The following CCBE1 variants were observed in gnomAD, a reference collection of about 807,000 sequenced individuals.
CCBE1 encodes collagen and calcium binding EGF domains 1, also known as collagen and calcium-binding EGF domain-containing protein 1.
CCBE1 carries 37 observed loss-of-function variants against 50.0 expected under a neutral mutation model. That is an observed-to-expected ratio of 0.74 (90% CI 0.57 to 0.97). The LOEUF (loss-of-function observed/expected upper bound fraction) is 0.97, where lower values mean the gene tolerates loss of function less well. Ranked by LOEUF, CCBE1 falls within the 50% of genes least tolerant of loss-of-function variation. The pLI is 0.00. For missense variants in CCBE1, 538 were observed against 523.8 expected (o/e 1.03, Z -0.26); for synonymous variants, 234 against 203.7 (o/e 1.15, Z -1.27).
intron 3 of CCBE1, among the ~76,000 whole-genome samples, chr18:59,478,227 C>G (rs943405175): frequency 2.0e-5 from 3 of 152,130 alleles, no homozygotes; most frequent in Admixed American, 6.6e-5. Flanking sequence ...AAGCCAATCC[C>G]TTTAAAAAAG....
chr18:59,545,034 G>C (rs1402773024), intron 2 of CCBE1, among the ~76,000 whole-genome samples: 1 of 152,116 alleles, frequency 6.6e-6, no homozygotes, highest in Non-Finnish European at 1.5e-5. Flanking sequence ...TAGGTCATAA[G>C]ATATGCCTTT....
At chr18:59,524,737 T>A (rs1914747119) in intron 2 of CCBE1, among the ~76,000 whole-genome samples, 1 of 143,986 alleles carries the variant, frequency 6.9e-6, no homozygotes, top group Non-Finnish European at 1.5e-5. Context: ...TAGCTATTTA[T>A]CCTGATGCTC....
intron 2 of CCBE1, among the ~76,000 whole-genome samples, chr18:59,489,704 C>T (rs902251526): frequency 1.4e-4 from 21 of 152,104 alleles, no homozygotes; most frequent in African/African-American, 4.8e-4. Context: ...TGAGCCACTG[C>T]GCCCAGCCCT....
At chr18:59,512,737 C>A (rs1914186705) in intron 2 of CCBE1, among the ~76,000 whole-genome samples, 1 of 152,192 alleles carries the variant, frequency 6.6e-6, no homozygotes, top group African/African-American at 2.4e-5. Context: ...AGCTGGCTGG[C>A]TGTTGATGAG....
At position 59,507,161 on chromosome 18, in the gene CCBE1, C is replaced by T. The variant is rs528507362; in HGVS notation, c.213-26923G>A. On this transcript the variant is annotated intron_variant, in intron 2 of 10. Transcript: ENST00000439986. The stretch of plus-strand genomic sequence containing the variant: ...CAAAACATCTGAAAATCAACCATAT[C>T]TTCTTTCCAAAACCAACATCCTCCT... Among the ~76,000 whole-genome samples, 4 of 152,316 alleles carry T rather than the reference C, an allele frequency of 2.6e-5. No individual in the cohort carries two copies. The South Asian group carries it at 8.3e-4, about 32-fold the overall frequency.
At chr18:59,532,874 T>C (rs1915104065) in intron 2 of CCBE1, among the ~76,000 whole-genome samples, 1 of 152,196 alleles carries the variant, frequency 6.6e-6, no homozygotes, top group African/African-American at 2.4e-5. Flanking sequence ...CCTTTTTTAC[T>C]GAATCCCATC....
intron 2 of CCBE1, among the ~76,000 whole-genome samples, chr18:59,579,243 T>A (rs1014247864): frequency 2.0e-5 from 3 of 152,114 alleles, no homozygotes; most frequent in African/African-American, 7.2e-5. Flanking sequence ...TAAAAGTAGC[T>A]GGGAAAACAA....
chr18:59,690,098 G>A (rs1158235228), intron 2 of CCBE1, among the ~76,000 whole-genome samples: 2 of 152,126 alleles, frequency 1.3e-5, no homozygotes, highest in South Asian at 2.1e-4. Context: ...AATTCCTTGA[G>A]GACAGAGGAT....
chr18:59,454,907 C>T lies in CCBE1; in HGVS notation c.598G>A (p.Ala200Thr). 1.2e-6 allele frequency: 2 copies of T among 1,614,198 alleles called. No individual in the cohort carries two copies. Among genetic ancestry groups the T allele is most frequent in the Non-Finnish European group, 1.7e-6 (2 of 1,180,024 alleles). ...ENMVKAGTCC[A>T]TCKEFYQMKQ... ...ATCTGGTAGAACTCCTTGCATGTGG[C>T]ACAGCAAGTTCCGGCTTTCACCATG... The change falls in exon 6 of 11, where the codon GCC (alanine) becomes ACC (threonine). Residue 200 changes from alanine (A) to threonine (T), a missense_variant. Ala to Thr is a moderately conservative substitution (Grantham distance 58). Transcript: ENST00000439986.
intron 2 of CCBE1, among the ~76,000 whole-genome samples, chr18:59,544,304 A>G (rs1443299559): frequency 6.6e-6 from 1 of 152,026 alleles, no homozygotes; most frequent in African/African-American, 2.4e-5. Flanking sequence ...AAAGCAAAAT[A>G]GAATCACTAA....
chr18:59,656,666 TTAATA>T (rs2144677257), intron 2 of CCBE1, among the ~76,000 whole-genome samples: 2 of 152,338 alleles, frequency 1.3e-5, no homozygotes, highest in South Asian at 4.1e-4. Context: ...GGTTGGCTAA[TTAATA>T]TATTTTAAGA....
chr18:59,463,845 G>A (rs1911612324), intron 5 of CCBE1, among the ~76,000 whole-genome samples: 1 of 152,198 alleles, frequency 6.6e-6, no homozygotes, highest in African/African-American at 2.4e-5. Flanking sequence ...ATAAATCTGA[G>A]GCAAAGAGAC....
chr18:59,495,410 T>TTCC (rs149062893), intron 2 of CCBE1, among the ~76,000 whole-genome samples: 86 of 144,954 alleles, frequency 5.9e-4, no homozygotes, highest in African/African-American at 1.5e-3. Context: ...TTTTTTTTTT[T>TTCC]CCAGAGCGGG....
chr18:59,512,304 A>T (rs903707644), intron 2 of CCBE1, among the ~76,000 whole-genome samples: 2 of 152,250 alleles, frequency 1.3e-5, no homozygotes, highest in Non-Finnish European at 2.9e-5. Flanking sequence ...ACATGATAGC[A>T]CATGCCCACT....
At chr18:59,519,646 C>A (rs1369077200) in intron 2 of CCBE1, among the ~76,000 whole-genome samples, 1 of 152,168 alleles carries the variant, frequency 6.6e-6, no homozygotes, top group African/African-American at 2.4e-5. Context: ...ATGATAGTTT[C>A]TTTTGCTGTG....
intron 2 of CCBE1, among the ~76,000 whole-genome samples, chr18:59,569,322 T>G (rs1034021928): frequency 6.6e-6 from 1 of 152,254 alleles, no homozygotes; most frequent in African/African-American, 2.4e-5. Flanking sequence ...ACTAGCAGTC[T>G]GTCCTAAAAA....
intron 2 of CCBE1, among the ~76,000 whole-genome samples, chr18:59,640,936 T>C (rs991855539): frequency 6.6e-6 from 1 of 152,078 alleles, no homozygotes; most frequent in African/African-American, 2.4e-5. Flanking sequence ...CACAAGCAGA[T>C]ACCGTCTCGT....
intron 2 of CCBE1, among the ~76,000 whole-genome samples, chr18:59,544,757 A>C (rs1322010078): frequency 1.3e-5 from 2 of 152,226 alleles, no homozygotes; most frequent in Non-Finnish European, 2.9e-5. Context: ...GTTCAGACTT[A>C]TATCACAGAA....
chr18:59,554,818 G>C (rs1318173583), intron 2 of CCBE1, among the ~76,000 whole-genome samples: 1 of 152,160 alleles, frequency 6.6e-6, no homozygotes, highest in Non-Finnish European at 1.5e-5. Context: ...ACCCCGTGGA[G>C]ACAAAAGAAG....
Sources: gnomAD v4.1 joint callset for allele counts (sites outside exome capture counted in the v4.1 genomes callset) on GRCh38, gnomAD v4.1.1 for gene constraint, MANE v1.5 for transcripts, NCBI Gene and HGNC (gene_info 2026-07-23, HGNC 2026-07-21) for gene names.